ZC3H3: variants seen among roughly 807,000 people sequenced by gnomAD.
The protein encoded by ZC3H3 is zinc finger CCCH-type containing 3.
ZC3H3 carries 36 observed loss-of-function variants against 77.3 expected under a neutral mutation model. The ratio of observed to expected loss-of-function variants is 0.47; its 90% CI spans 0.36 to 0.61. The LOEUF is 0.61. Ranked by LOEUF, ZC3H3 falls within the 20% of genes least tolerant of loss-of-function variation. ZC3H3 has a pLI of 0.00. For synonymous variants in ZC3H3, 626 were observed against 555.2 expected, an observed-to-expected ratio of 1.13 and a Z score of -1.79; for missense variants, 1,331 against 1,312.2, an observed-to-expected ratio of 1.01 and a Z score of -0.22.
At chr8:143,520,540 C>T (rs926980343) in intron 3 of ZC3H3, among the ~76,000 whole-genome samples, 4 of 152,204 alleles carry the variant, frequency 2.6e-5, no homozygotes, top group South Asian at 4.1e-4. Context: ...CCGCAGGGTG[C>T]TGGTTTCAGC....
Position 143,522,406 on chromosome 8 carries a change from G to A in ZC3H3, c.1561+13851C>T, listed in dbSNP as rs150457173. 1.8e-3 allele frequency among the ~76,000 whole-genome samples: 267 copies of A among 151,642 alleles called. 2 individuals are homozygous for A. The highest frequency in any genetic ancestry group is 5.8e-3 in the African/African-American group (240 of 41,316). On this transcript the variant is annotated intron_variant, in intron 3 of 11. Coordinates refer to ENST00000262577, the MANE Select transcript of ZC3H3 (RefSeq NM_015117.3). ...TTACCTGAGGTCAGGAGTTCGAGAC[G>A]AGCTTGGCCAACATGGTGAAACCCC... is the stretch of plus-strand genomic sequence containing the variant.
intron 4 of ZC3H3, among the ~76,000 whole-genome samples, chr8:143,497,093 G>A (rs1000559788): frequency 2.0e-5 from 3 of 152,244 alleles, no homozygotes; most frequent in African/African-American, 7.2e-5. Flanking sequence ...TAAACAACTG[G>A]TGAGTTTCAG....
intron 9 of ZC3H3, among the ~76,000 whole-genome samples, chr8:143,463,565 A>G (rs1820324110): frequency 6.6e-6 from 1 of 152,222 alleles, no homozygotes; most frequent in South Asian, 2.1e-4. Context: ...CAGCAGACAG[A>G]CACAGCTGGC....
At chr8:143,472,588 G>C (rs907461505) in intron 5 of ZC3H3, among the ~76,000 whole-genome samples, 1 of 152,182 alleles carries the variant, frequency 6.6e-6, no homozygotes, top group African/African-American at 2.4e-5. Flanking sequence ...GTCTGAGGGG[G>C]CCAAGTGCAA....
rs542311174 is a variant in ZC3H3, at chr8:143,539,069, C to A, written c.298G>T (p.Gly100Trp). The change falls in exon 2 of 12, where the codon GGG (glycine) becomes TGG (tryptophan). Residue 100 changes from glycine (G) to tryptophan (W), a missense_variant. Around this residue, in one of 3 missense-constraint regions of ZC3H3, gnomAD observed 978 missense variants for 915.5 expected, o/e 1.07. Transcript: ENST00000262577. The stretch of plus-strand genomic sequence containing the variant: ...TGCTGCGGGACAGGAGGCTGGCCCC[C>A]CCGGGCCCCGTGCAACGGCCGCACA... ...HAVRPLHGAR[G>W]GQPPVPQQHV... 1.4e-5 allele frequency: 23 copies of A among 1,612,856 alleles called. No homozygotes were observed. The highest frequency in any genetic ancestry group is 1.8e-5 in the Non-Finnish European group (21 of 1,180,018).
At chr8:143,506,430 G>C (rs1369846128) in intron 4 of ZC3H3, among the ~76,000 whole-genome samples, 1 of 152,146 alleles carries the variant, frequency 6.6e-6, no homozygotes, top group Non-Finnish European at 1.5e-5. Flanking sequence ...CAGTGATTTA[G>C]TGTGGGGGAA....
rs534287410 is a variant in ZC3H3, at chr8:143,465,780, G to A, written c.2244C>T (p.Tyr748=). The change falls in exon 9 of 12, where the codon TAC becomes TAT. Residue 748 remains tyrosine, a synonymous_variant. Transcript: ENST00000262577. ...SNSNCPYSHV[Y]VSRKAEVCSD... is the part of the protein sequence containing the mutation. ...TGCAGACCTCGGCCTTGCGGGACACGTACACGTGGCTATAGGGACAGTTGC... is the reference window on the plus strand; with the variant it reads ...TGCAGACCTCGGCCTTGCGGGACACATACACGTGGCTATAGGGACAGTTGC... 90 of 1,613,890 alleles carry A rather than the reference G, an allele frequency of 5.6e-5. No individual in the cohort carries two copies. Among genetic ancestry groups the A allele is most frequent in the South Asian group, 3.2e-4 (29 of 91,086 alleles).
intron 3 of ZC3H3, among the ~76,000 whole-genome samples, chr8:143,508,431 T>G (rs1821774499): frequency 6.6e-6 from 1 of 152,342 alleles, no homozygotes; most frequent in South Asian, 2.1e-4. Flanking sequence ...CCAGACAGAC[T>G]TATGTACTTA....
intron 4 of ZC3H3, among the ~76,000 whole-genome samples, chr8:143,478,432 C>A (rs992337243): frequency 6.6e-6 from 1 of 152,242 alleles, no homozygotes; most frequent in African/African-American, 2.4e-5. Flanking sequence ...CCGCCCCACC[C>A]ACCAGGGCCG....
chr8:143,483,270 G>A (rs1460798483), intron 4 of ZC3H3, among the ~76,000 whole-genome samples: 5 of 152,202 alleles, frequency 3.3e-5, no homozygotes, highest in South Asian at 4.1e-4. Context: ...GTGCTGGCTC[G>A]GGAGGGCGAG....
intron 5 of ZC3H3, among the ~76,000 whole-genome samples, chr8:143,471,755 C>A (rs1485526344): frequency 2.6e-5 from 4 of 152,186 alleles, no homozygotes; most frequent in Admixed American, 2.6e-4. Flanking sequence ...AGGACAGCCA[C>A]CCCCACCCCT....
chr8:143,438,222 C>T, intron 11 of ZC3H3, 135 bp from the exon 12 acceptor site: 1 of 1,155,738 alleles, frequency 8.7e-7, no homozygotes, highest in Non-Finnish European at 1.3e-6. Context: ...GCAGAGATAC[C>T]CTCCTGAGTT....
At chr8:143,444,764 A>AT (rs1281114003) in intron 9 of ZC3H3, among the ~76,000 whole-genome samples, 1 of 152,242 alleles carries the variant, frequency 6.6e-6, no homozygotes, top group African/African-American at 2.4e-5. Context: ...AAAGCATCAC[A>AT]TGTCAAGGGG....
At chr8:143,475,661 A>C (rs1820713934) in intron 4 of ZC3H3, 76 bp from the exon 5 acceptor site, 1 of 1,453,628 alleles carries the variant, frequency 6.9e-7, no homozygotes, top group Non-Finnish European at 9.1e-7. Context: ...CCAGGGGCCG[A>C]GCCCAGGCCT....
intron 4 of ZC3H3, among the ~76,000 whole-genome samples, chr8:143,491,855 G>T (rs1031583780): frequency 2.1e-4 from 32 of 152,142 alleles, no homozygotes; most frequent in Non-Finnish European, 4.1e-4. Flanking sequence ...GGACACCCTC[G>T]GCCCTGGGCC....
At chr8:143,468,805 C>T in intron 5 of ZC3H3, 146 bp from the exon 6 acceptor site, 1 of 1,100,990 alleles carries the variant, frequency 9.1e-7, no homozygotes, top group South Asian at 1.7e-5. Context: ...CCAGAGCTCC[C>T]CTCCCCACAG....
rs569775719 is a variant in ZC3H3 at position 143,442,653 on chromosome 8, G to A, written c.2308-1533C>T. On this transcript the variant is annotated intron_variant, in intron 9 of 11. Coordinates refer to ENST00000262577, the MANE Select transcript of ZC3H3 (RefSeq NM_015117.3). ...GGGCAACACTGGATGCAGAGTGCCC[G>A]GCTGAGATGTCCAGAGGGCACCTGC... 7.9e-5 allele frequency among the ~76,000 whole-genome samples: 12 copies of A among 152,348 alleles called. No homozygotes were observed. In the South Asian group the frequency reaches 1.7e-3, roughly 21 times the overall value.
intron 9 of ZC3H3, among the ~76,000 whole-genome samples, chr8:143,442,427 G>T (rs1354840902): frequency 1.0e-4 from 3 of 28,752 alleles, no homozygotes; most frequent in African/African-American, 3.0e-4. Context: ...CGGGGGCAAG[G>T]CCTCCGGGGG....
At chr8:143,454,039 TA>T (rs1402185359) in intron 9 of ZC3H3, among the ~76,000 whole-genome samples, 1 of 152,044 alleles carries the variant, frequency 6.6e-6, no homozygotes, top group Admixed American at 6.6e-5. Flanking sequence ...CCAAAAATAT[TA>T]AATGGAAAAT....
Sources: allele counts gnomAD v4.1 joint callset (sites outside exome capture counted in the v4.1 genomes callset), GRCh38; gene constraint gnomAD v4.1.1; regional missense constraint gnomAD v4.1.1; transcripts MANE v1.5; gene names NCBI Gene and HGNC (gene_info 2026-07-23, HGNC 2026-07-21).